Variants in PKP1 observed in about 807,000 individuals in gnomAD.
PKP1 encodes the protein plakophilin-1.
In PKP1, 27 loss-of-function variants were observed where a neutral mutation model predicts 76.4. That is an observed-to-expected ratio of 0.35 (90% confidence interval 0.26 to 0.49). The LOEUF (loss-of-function observed/expected upper bound fraction) is 0.49. PKP1 is among the 20% of genes least tolerant of loss of function. The probability of loss-of-function intolerance (pLI) is 0.99; values close to 1 mark genes in which losing one functional copy is unlikely to be tolerated. For missense variants in PKP1, 964 were observed against 955.2 expected, an observed-to-expected ratio of 1.01 and a Z score of -0.12; for synonymous variants, 404 against 384.2, an observed-to-expected ratio of 1.05 and a Z score of -0.60.
In PKP1 at chr1:201,294,060, C is replaced by T. The variant is rs1320549690; in HGVS notation, c.306+15C>T. On this transcript the variant is annotated intron_variant, in intron 2 of 13. Transcript: ENST00000367324. ...GGGGATATCCGGTAAGGAACTGCTT[C>T]CATCCTAAAAGACCTGGAGTACTTG... 1 of 1,551,240 alleles carries T rather than the reference C, an allele frequency of 6.4e-7. No individual in the cohort carries two copies. Among genetic ancestry groups the T allele is most frequent in the South Asian group, 1.1e-5 (1 of 89,322 alleles).
At chr1:201,295,566 C>T (rs544984578) in intron 2 of PKP1, among the ~76,000 whole-genome samples, 215 of 152,362 alleles carry the variant, frequency 1.4e-3, no homozygotes, top group African/African-American at 5.0e-3. Context: ...ACTGCACCAG[C>T]AGCCGGAATG....
intron 1 of PKP1, among the ~76,000 whole-genome samples, chr1:201,289,624 T>C (rs1443611970): frequency 6.6e-6 from 1 of 151,672 alleles, no homozygotes; most frequent in Non-Finnish European, 1.5e-5. Flanking sequence ...AAGGTGAAGA[T>C]TCCTTGCTTC....
At chr1:201,329,795 G>A (rs2102190857) in intron 13 of PKP1, among the ~76,000 whole-genome samples, 1 of 152,356 alleles carries the variant, frequency 6.6e-6, no homozygotes, top group Non-Finnish European at 1.5e-5. Context: ...CAGAAAAGGG[G>A]AAAGAGATTC....
At chr1:201,327,750 G>A (rs1035414747) in intron 12 of PKP1, among the ~76,000 whole-genome samples, 1 of 151,902 alleles carries the variant, frequency 6.6e-6, no homozygotes. Flanking sequence ...ACCATCCTGG[G>A]CATGATCTAG....
At chr1:201,290,458 T>C (rs1025810490) in intron 1 of PKP1, among the ~76,000 whole-genome samples, 1 of 152,002 alleles carries the variant, frequency 6.6e-6, no homozygotes, top group African/African-American at 2.4e-5. Flanking sequence ...AGTGATTCTG[T>C]GGGGTGAGCT....
intron 2 of PKP1, among the ~76,000 whole-genome samples, chr1:201,306,456 G>A (rs1656369858): frequency 6.6e-6 from 1 of 152,234 alleles, no homozygotes; most frequent in South Asian, 2.1e-4. Context: ...TGGCCTCACT[G>A]GAGAAAGAAG....
Position 201,322,072 on chromosome 1 carries a change from G to A in PKP1, c.1442G>A (p.Arg481His), listed in dbSNP as rs188436125. The stretch of plus-strand genomic sequence containing the variant: ...TACCGCCAGCTGGAGTATAACGCCC[G>A]CAACGCCTACACCGAGAAGTCCTCC... ...TRYRQLEYNARNAYTEKSSTG... is the reference protein window; with the variant it reads ...TRYRQLEYNAHNAYTEKSSTG... The change falls in exon 8 of 14, where the codon CGC (arginine) becomes CAC (histidine). Residue 481 changes from arginine (R) to histidine (H), a missense_variant. By Grantham distance (29) the Arg-to-His change is conservative (BLOSUM62 0). Transcript: ENST00000367324. 1.4e-5 allele frequency: 23 copies of A among 1,613,298 alleles called. No individual in the cohort carries two copies. In the East Asian group the frequency reaches 2.9e-4, roughly 20 times the overall value.
At chr1:201,318,078 C>T (rs1656818611) in intron 5 of PKP1, among the ~76,000 whole-genome samples, 2 of 152,134 alleles carry the variant, frequency 1.3e-5, no homozygotes, top group South Asian at 4.1e-4. Flanking sequence ...CCCTGGGATT[C>T]CCAGGTGATG....
intron 2 of PKP1, among the ~76,000 whole-genome samples, chr1:201,309,313 C>T (rs767675847): frequency 5.3e-5 from 8 of 151,812 alleles, no homozygotes; most frequent in East Asian, 1.9e-4. Context: ...CACAAGCAGG[C>T]GGCAAAGCGG....
At position 201,288,745 on chromosome 1, in the gene PKP1, C is replaced by G. The variant is rs565267339; in HGVS notation, c.202+4841C>G. Among the ~76,000 whole-genome samples the G allele has an allele frequency of 5.9e-4, 90 of 152,150 alleles. 1 individual carries two copies. Among genetic ancestry groups the G allele is most frequent in the Middle Eastern group, 3.2e-3 (1 of 316 alleles). On this transcript the variant is annotated intron_variant, in intron 1 of 13. Transcript: ENST00000367324. ...GCCCACTCTAACCCACCACCCTGCCCCCTCACGCCCATCCTGTCCCCACAG... is the reference window on the plus strand; with the variant it reads ...GCCCACTCTAACCCACCACCCTGCCGCCTCACGCCCATCCTGTCCCCACAG...
intron 1 of PKP1, among the ~76,000 whole-genome samples, chr1:201,292,350 C>A (rs1655943638): frequency 6.6e-6 from 1 of 152,164 alleles, no homozygotes; most frequent in Non-Finnish European, 1.5e-5. Context: ...TCAGAGAGAG[C>A]AAGTGACTTG....
intron 1 of PKP1, among the ~76,000 whole-genome samples, chr1:201,285,287 G>A (rs1217090438): frequency 6.7e-6 from 1 of 148,206 alleles, no homozygotes; most frequent in Non-Finnish European, 1.5e-5. Flanking sequence ...TTCTACCTGT[G>A]GCTTCTGTCC....
chr1:201,320,409 A>T, intron 7 of PKP1, 28 bp downstream of exon 7: 1 of 1,433,402 alleles, frequency 7.0e-7, no homozygotes, highest in South Asian at 1.1e-5. Context: ...TGGCACCCTG[A>T]CCCCTAGGCC....
At position 201,325,737 on chromosome 1, in the gene PKP1, A is replaced by C. The variant is rs200043163; in HGVS notation, c.2022-17A>C. The C allele has an allele frequency of 1.9e-6, 3 of 1,599,534 alleles. No homozygotes were observed. In the African/African-American group the frequency reaches 4.0e-5, roughly 21 times the overall value. On this transcript the variant is annotated splice_polypyrimidine_tract_variant and intron_variant, in intron 11 of 13. Coordinates refer to ENST00000367324, the MANE Select transcript of PKP1 (RefSeq NM_001005337.3). ...TCCTGGAATCTCATCTCACAAATGC[A>C]CTTCTCACCTGCCCAGTGCCTCACC...
At chr1:201,291,103 C>T (rs559243109) in intron 1 of PKP1, among the ~76,000 whole-genome samples, 21 of 152,180 alleles carry the variant, frequency 1.4e-4, no homozygotes, top group African/African-American at 2.4e-4. Flanking sequence ...TGGCACACTG[C>T]GAGCTGTGAT....
intron 2 of PKP1, among the ~76,000 whole-genome samples, chr1:201,304,353 G>C (rs1376500923): frequency 1.3e-5 from 2 of 152,202 alleles, no homozygotes; most frequent in African/African-American, 4.8e-5. Flanking sequence ...GGTGCGTTTA[G>C]AGTACCACTA....
At chr1:201,288,451 C>T (rs1655802108) in intron 1 of PKP1, among the ~76,000 whole-genome samples, 1 of 152,132 alleles carries the variant, frequency 6.6e-6, no homozygotes, top group South Asian at 2.1e-4. Flanking sequence ...TGAGTCCCAC[C>T]CCCAGAGATT....
intron 2 of PKP1, among the ~76,000 whole-genome samples, chr1:201,308,518 T>C (rs1034491493): frequency 1.3e-5 from 2 of 152,164 alleles, no homozygotes; most frequent in Non-Finnish European, 2.9e-5. Context: ...CTGGTCATTA[T>C]GGAGACAGGG....
chr1:201,300,307 GC>G (rs1288915672), intron 2 of PKP1, among the ~76,000 whole-genome samples: 1 of 152,242 alleles, frequency 6.6e-6, no homozygotes, highest in Non-Finnish European at 1.5e-5. Flanking sequence ...TGAAGGAGAA[GC>G]CTATGGCAAA....
Sources: allele counts gnomAD v4.1 joint callset (sites outside exome capture counted in the v4.1 genomes callset), GRCh38; gene constraint gnomAD v4.1.1; transcripts MANE v1.5; gene names NCBI Gene and HGNC (gene_info 2026-07-23, HGNC 2026-07-21).